POLR2C: variants seen among roughly 807,000 people sequenced by gnomAD.
The protein encoded by POLR2C is DNA-directed RNA polymerase II subunit RPB3.
POLR2C carries 36 observed loss-of-function variants against 41.7 expected under a neutral mutation model. That is an observed-to-expected ratio of 0.86 (90% CI 0.66 to 1.14). The LOEUF is 1.14. Among genes scored for constraint, POLR2C ranks in the 50% most tolerant of loss-of-function variants. POLR2C has a pLI of 0.00. For missense variants in POLR2C, 260 were observed against 350.4 expected (o/e 0.74, Z 2.06); for synonymous variants, 133 against 137.8 (o/e 0.96, Z 0.25).
intron 4 of POLR2C, among the ~76,000 whole-genome samples, chr16:57,466,946 A>G (rs776101764): frequency 1.9e-4 from 29 of 152,194 alleles, no homozygotes; most frequent in Non-Finnish European, 3.1e-4. Flanking sequence ...TAAAAAAGAA[A>G]TATTCAGCTG....
At chr16:57,462,939 C>A in intron 1 of POLR2C, 90 bp from the exon 2 acceptor site, 1 of 1,223,728 alleles carries the variant, frequency 8.2e-7, no homozygotes, top group Non-Finnish European at 1.1e-6. Flanking sequence ...TGCCCCCCTG[C>A]ACCAGGGCTT....
intron 2 of POLR2C, chr16:57,465,642 A>G (rs2030687205): frequency 3.6e-6 from 1 of 281,128 alleles, no homozygotes; most frequent in Admixed American, 5.1e-5. Flanking sequence ...CACAGGTAGC[A>G]GATTTAAGTG....
In POLR2C at chr16:57,471,974, GTTTA is replaced by G. The variant is rs1168616082; in HGVS notation, c.*859_*862del. 6.5e-6 allele frequency: 1 copy of G among 152,722 alleles called. No individual in the cohort carries two copies. Among genetic ancestry groups the G allele is most frequent in the Non-Finnish European group, 1.5e-5 (1 of 68,038 alleles). The allele number at this position is 152,722 out of a possible 1,614,324, so 9.5% of individuals were successfully genotyped here. A position where few individuals can be genotyped will look rare whatever the true frequency, so the allele number is the denominator to read the frequency against. ...TAACAGAAGTTGTCTTTTTAAAAGT[GTTTA>G]TTTTTGGCAATAAAGAGCACAACAT... On this transcript the variant is annotated 3_prime_UTR_variant, in exon 9 of 9. Transcript: ENST00000219252.
intron 2 of POLR2C, among the ~76,000 whole-genome samples, chr16:57,465,398 T>TAA (rs2030681284): frequency 6.6e-6 from 1 of 152,262 alleles, no homozygotes; most frequent in Non-Finnish European, 1.5e-5. Flanking sequence ...ATACAGTCTT[T>TAA]ACCCTCCTAC....
chr16:57,463,839 A>T (rs2030640233), intron 2 of POLR2C: 1 of 315,142 alleles, frequency 3.2e-6, no homozygotes, highest in African/African-American at 2.3e-5. Flanking sequence ...GCTACTGGGG[A>T]GGCTGAGGCA....
chr16:57,471,187 A>T lies in POLR2C; in HGVS notation c.*68A>T. ...CAGCTGGATATGGGGGTCTCTCTTC[A>T]GACTCTTCTCGTTTCTGAGAATCTA... On this transcript the variant is annotated 3_prime_UTR_variant, in exon 9 of 9. Transcript: ENST00000219252. 1.5e-6 allele frequency: 2 copies of T among 1,362,122 alleles called. No homozygotes were observed. The highest frequency in any genetic ancestry group is 2.1e-6 in the Non-Finnish European group (2 of 958,614). The allele number at this position is 1,362,122 out of a possible 1,614,324, so 84.4% of individuals were successfully genotyped here.
intron 4 of POLR2C, among the ~76,000 whole-genome samples, chr16:57,467,125 C>T (rs79280501): frequency 4.9e-4 from 74 of 152,124 alleles, no homozygotes; most frequent in Non-Finnish European, 8.7e-4. Context: ...CCCAGCTACT[C>T]GGGAGGCTGA....
In POLR2C at chr16:57,471,177, G is replaced by GTC; in HGVS notation, c.*64_*65dup. ...TTCAGGCCAGCAGCTGGATATGGGGGTCTCTCTTCAGACTCTTCTCGTTTC... is the reference window on the plus strand; with the variant it reads ...TTCAGGCCAGCAGCTGGATATGGGGGTCTCTCTCTTCAGACTCTTCTCGTTTC... On this transcript the variant is annotated 3_prime_UTR_variant, in exon 9 of 9. Coordinates refer to ENST00000219252, the MANE Select transcript of POLR2C (RefSeq NM_032940.3). 1.4e-6 allele frequency: 2 copies of GTC among 1,481,290 alleles called. No individual in the cohort carries two copies. Among genetic ancestry groups the GTC allele is most frequent in the South Asian group, 2.3e-5 (2 of 87,466 alleles). 91.8% of individuals were successfully genotyped at this position (1,481,290 alleles called of 1,614,324 possible). A position where few individuals can be genotyped will look rare whatever the true frequency, so the allele number is the denominator to read the frequency against.
At chr16:57,465,772 A>G in intron 2 of POLR2C, 181 bp from the exon 3 acceptor site, 1 of 566,196 alleles carries the variant, frequency 1.8e-6, no homozygotes, top group Non-Finnish European at 3.1e-6. Flanking sequence ...CAGGGAGGTG[A>G]GGTGTGGTGT....
At chr16:57,462,986 G>C in intron 1 of POLR2C, 43 bp from the exon 2 acceptor site, 1 of 1,576,910 alleles carries the variant, frequency 6.3e-7, no homozygotes. Context: ...CCAGCCTGTC[G>C]AGGCTGCAGC....
rs573608847 is a variant in POLR2C at position 57,465,280 on chromosome 16, G to A, written c.137-673G>A. 7.9e-5 allele frequency among the ~76,000 whole-genome samples: 12 copies of A among 152,256 alleles called. No homozygotes were observed. In the South Asian group the frequency reaches 1.0e-3, roughly 13 times the overall value. ...GCTGTTCCTAGTGTCTGTGTCCCTC[G>A]TTTGGCAGTTGGGCTCCAGTGCCAT... On this transcript the variant is annotated intron_variant, in intron 2 of 8. Coordinates refer to ENST00000219252, the MANE Select transcript of POLR2C (RefSeq NM_032940.3).
intron 2 of POLR2C, chr16:57,463,375 T>C (rs2030628460): frequency 1.9e-6 from 1 of 538,736 alleles, no homozygotes; most frequent in African/African-American, 1.9e-5. Flanking sequence ...TTACAAAAGT[T>C]TTTAAAATGT....
intron 4 of POLR2C, among the ~76,000 whole-genome samples, chr16:57,468,408 C>T (rs1265034401): frequency 6.6e-6 from 1 of 152,144 alleles, no homozygotes; most frequent in Admixed American, 6.5e-5. Flanking sequence ...CTAGGTGGGA[C>T]CTCTAGCTGC....
At chr16:57,464,954 A>G (rs2030667683) in intron 2 of POLR2C, among the ~76,000 whole-genome samples, 1 of 152,226 alleles carries the variant, frequency 6.6e-6, no homozygotes, top group South Asian at 2.1e-4. Context: ...GACACAAGGC[A>G]CACTATGACA....
At chr16:57,466,281 C>A in intron 4 of POLR2C, 54 bp downstream of exon 4, 3 of 1,209,228 alleles carry the variant, frequency 2.5e-6, no homozygotes, top group Non-Finnish European at 2.4e-6. Context: ...CTTTGGTTCT[C>A]AAAGGGATTT....
At chr16:57,463,647 T>G (rs1015163682) in intron 2 of POLR2C, 2 of 454,788 alleles carry the variant, frequency 4.4e-6, no homozygotes, top group Non-Finnish European at 8.8e-6. Context: ...CCTGTGTTAA[T>G]TCTCTTAGGA....
chr16:57,469,503 C>T lies in POLR2C; in HGVS notation c.388-207C>T. The T allele has an allele frequency of 1.4e-6, 1 of 723,626 alleles. No individual in the cohort carries two copies. The highest frequency in any genetic ancestry group is 1.7e-5 in the South Asian group (1 of 60,158). The allele number at this position is 723,626 out of a possible 1,614,324, so 44.8% of individuals were successfully genotyped here. ...GCGCACCCTCTATCACCCAGGGACTCTTTTAAAGGCCATGGAATTGTTTTG... is the reference window on the plus strand; with the variant it reads ...GCGCACCCTCTATCACCCAGGGACTTTTTTAAAGGCCATGGAATTGTTTTG... On this transcript the variant is annotated intron_variant, in intron 5 of 8. Coordinates refer to ENST00000219252, the MANE Select transcript of POLR2C (RefSeq NM_032940.3). This position sits in a 1 kb window ranked among gnomAD's most constrained non-coding sequence, Gnocchi z 5.8.
intron 2 of POLR2C, among the ~76,000 whole-genome samples, chr16:57,465,195 T>C (rs1390527912): frequency 6.6e-6 from 1 of 152,026 alleles, no homozygotes; most frequent in African/African-American, 2.4e-5. Context: ...GGGGAAGCAA[T>C]GGGAAGCATA....
intron 2 of POLR2C, chr16:57,463,687 T>A (rs1863549565): frequency 2.2e-6 from 1 of 452,382 alleles, no homozygotes; most frequent in African/African-American, 2.0e-5. Context: ...CTCGCGCCTG[T>A]AATTCCAGCA....
Sources: allele counts gnomAD v4.1 joint callset (sites outside exome capture counted in the v4.1 genomes callset), GRCh38; gene constraint gnomAD v4.1.1; non-coding constraint Gnocchi (gnomAD v3.1); transcripts MANE v1.5; gene names NCBI Gene and HGNC (gene_info 2026-07-23, HGNC 2026-07-21).